ACAP2: variants seen among roughly 807,000 people sequenced by gnomAD.
ACAP2 encodes the protein ArfGAP with coiled-coil, ankyrin repeat and PH domains 2.
Under a neutral mutation model 115.8 loss-of-function variants are expected in ACAP2, and 39 were observed. The observed-to-expected ratio is 0.34, with a 90% CI of 0.26 to 0.44. The LOEUF is 0.44. Among genes scored for constraint, ACAP2 ranks in the 20% least tolerant of loss-of-function variants. ACAP2 has a pLI of 1.00. For missense variants in ACAP2, 662 were observed against 927.6 expected, an observed-to-expected ratio of 0.71 and a Z score of 3.72; for synonymous variants, 289 against 315.8, an observed-to-expected ratio of 0.92 and a Z score of 0.90.
intron 13 of ACAP2, among the ~76,000 whole-genome samples, chr3:195,304,184 AAAAAAAAAAAAC>A (rs1728265351): frequency 6.6e-6 from 1 of 151,278 alleles, no homozygotes. Flanking sequence ...AAAAAAAAAA[AAAAAAAAAAAAC>A]TTCCCTGTAA....
At chr3:195,416,813 G>A (rs1348046837) in intron 1 of ACAP2, among the ~76,000 whole-genome samples, 1 of 152,136 alleles carries the variant, frequency 6.6e-6, no homozygotes, top group African/African-American at 2.4e-5. Context: ...CAACAAAAGA[G>A]CAGCTCTTTC....
rs1312542433 is a variant in ACAP2, at chr3:195,340,958, G to T, written c.528+1513C>A. Among the ~76,000 whole-genome samples, 4 of 152,180 alleles carry T rather than the reference G, an allele frequency of 2.6e-5. No individual in the cohort carries two copies. In the South Asian group the frequency reaches 8.3e-4, roughly 32 times the overall value. The stretch of plus-strand genomic sequence containing the variant: ...AAAAACTTAAAGTTAATTTTCTATT[G>T]TTTTGCCAAGTTACCTAAGTAATTT... On this transcript the variant is annotated intron_variant, in intron 6 of 22. Coordinates refer to ENST00000326793, the MANE Select transcript of ACAP2 (RefSeq NM_012287.6).
intron 8 of ACAP2, among the ~76,000 whole-genome samples, chr3:195,332,637 C>T (rs999119800): frequency 3.3e-5 from 5 of 152,168 alleles, no homozygotes; most frequent in Non-Finnish European, 5.9e-5. Context: ...ATAATCCTCA[C>T]GTGTCAAGAG....
intron 22 of ACAP2, among the ~76,000 whole-genome samples, chr3:195,284,437 A>C (rs1308211424): frequency 3.9e-5 from 6 of 151,988 alleles, no homozygotes; most frequent in Non-Finnish European, 8.8e-5. Context: ...CTTCATCAGC[A>C]CTCTTCCATC....
At chr3:195,341,043 T>C (rs1009332667) in intron 6 of ACAP2, among the ~76,000 whole-genome samples, 1 of 152,208 alleles carries the variant, frequency 6.6e-6, no homozygotes, top group African/African-American at 2.4e-5. Flanking sequence ...TCTGTGATCA[T>C]TGTGAAGTAA....
At chr3:195,368,898 A>G (rs577089121) in intron 4 of ACAP2, among the ~76,000 whole-genome samples, 114 of 152,332 alleles carry the variant, frequency 7.5e-4, no homozygotes, top group Non-Finnish European at 1.2e-3. Context: ...AGCCTGGCCA[A>G]CATGGCGAAA....
At chr3:195,417,167 A>G (rs1713806070) in intron 1 of ACAP2, among the ~76,000 whole-genome samples, 1 of 144,434 alleles carries the variant, frequency 6.9e-6, no homozygotes, top group South Asian at 2.2e-4. Context: ...CCTGGCCTCG[A>G]GCAGTCCTCC....
At chr3:195,381,563 G>A (rs374538610) in intron 3 of ACAP2, among the ~76,000 whole-genome samples, 14 of 152,070 alleles carry the variant, frequency 9.2e-5, no homozygotes, top group Admixed American at 5.2e-4. Context: ...TGCTCTCTGC[G>A]TGCCCCTATA....
intron 5 of ACAP2, among the ~76,000 whole-genome samples, chr3:195,344,057 A>G (rs1385242691): frequency 2.0e-5 from 3 of 152,194 alleles, no homozygotes; most frequent in Non-Finnish European, 4.4e-5. Context: ...ATAATAAAAA[A>G]TAAAAGATAA....
intron 1 of ACAP2, among the ~76,000 whole-genome samples, chr3:195,403,833 A>G (rs1412651423): frequency 1.3e-5 from 2 of 152,192 alleles, no homozygotes; most frequent in Admixed American, 1.3e-4. Flanking sequence ...AGGTGGATGC[A>G]CCTGAGTCTA....
intron 4 of ACAP2, chr3:195,355,969 T>C (rs534376085): frequency 8.2e-6 from 3 of 364,410 alleles, no homozygotes; most frequent in South Asian, 6.0e-5. Flanking sequence ...AATAGAAGCC[T>C]CCACCGATTG....
At chr3:195,372,082 G>T (rs991251933) in intron 4 of ACAP2, among the ~76,000 whole-genome samples, 1 of 152,106 alleles carries the variant, frequency 6.6e-6, no homozygotes, top group South Asian at 2.1e-4. Context: ...AAGACACAAA[G>T]TTATTTTACG....
intron 21 of ACAP2, among the ~76,000 whole-genome samples, chr3:195,288,502 C>T (rs1726997766): frequency 6.6e-6 from 1 of 152,106 alleles, no homozygotes; most frequent in South Asian, 2.1e-4. Context: ...TTCAACCAAT[C>T]ACCAGTGGAA....
intron 9 of ACAP2, among the ~76,000 whole-genome samples, chr3:195,325,694 T>C (rs559354512): frequency 3.3e-5 from 5 of 152,272 alleles, no homozygotes; most frequent in Non-Finnish European, 7.4e-5. Flanking sequence ...AATATTCAGA[T>C]AGTTCTACAA....
intron 4 of ACAP2, among the ~76,000 whole-genome samples, chr3:195,349,167 C>A (rs1171255296): frequency 2.0e-5 from 3 of 151,810 alleles, no homozygotes; most frequent in Non-Finnish European, 2.9e-5. Context: ...CAGCAATGAA[C>A]AAATAGAAAC....
chr3:195,371,365 T>C (rs1436820689), intron 4 of ACAP2, among the ~76,000 whole-genome samples: 2 of 152,194 alleles, frequency 1.3e-5, no homozygotes, highest in Non-Finnish European at 2.9e-5. Flanking sequence ...GGGTTGGATG[T>C]TGTTGGTGTA....
chr3:195,354,202 A>G (rs1243698098), intron 4 of ACAP2, among the ~76,000 whole-genome samples: 1 of 152,226 alleles, frequency 6.6e-6, no homozygotes, highest in African/African-American at 2.4e-5. Flanking sequence ...ATAGTATTCC[A>G]TAGTGTATAT....
At chr3:195,347,571 G>A (rs1246480028) in intron 4 of ACAP2, among the ~76,000 whole-genome samples, 1 of 152,192 alleles carries the variant, frequency 6.6e-6, no homozygotes, top group Non-Finnish European at 1.5e-5. Flanking sequence ...TCTGAGAAGT[G>A]GTATGGGAGA....
At chr3:195,373,409 T>G (rs1733310135) in intron 4 of ACAP2, among the ~76,000 whole-genome samples, 2 of 105,200 alleles carry the variant, frequency 1.9e-5, no homozygotes, top group African/African-American at 3.1e-5. Flanking sequence ...AAAGAAATAC[T>G]ATGAGAATAT....
Sources: allele counts gnomAD v4.1 joint callset (sites outside exome capture counted in the v4.1 genomes callset), GRCh38; gene constraint gnomAD v4.1.1; transcripts MANE v1.5; gene names NCBI Gene and HGNC (gene_info 2026-07-23, HGNC 2026-07-21).